TCTN3: variants seen among roughly 807,000 people sequenced by gnomAD.
TCTN3 encodes the protein tectonic-3.
Under a neutral mutation model 71.3 loss-of-function variants are expected in TCTN3, and 57 were observed. That is an observed-to-expected ratio of 0.80 (90% CI 0.65 to 1.00). The LOEUF is 1.00. TCTN3 is among the 50% of genes least tolerant of loss of function. The probability of loss-of-function intolerance (pLI) is 0.00; values close to 1 mark genes in which losing one functional copy is unlikely to be tolerated. For missense variants in TCTN3, 696 were observed against 719.9 expected (o/e 0.97, Z 0.38); for synonymous variants, 258 against 267.8 (o/e 0.96, Z 0.36).
Position 95,663,575 on chromosome 10 carries a change from T to G in TCTN3, c.*492A>C, listed in dbSNP as rs2097923534. Reference sequence around the variant, plus strand: ...CCCACTCGTGTCTGGGCAAAGGGTGTGCCCAGATGTTGGCAAAGGAACCAG... The same window carrying G: ...CCCACTCGTGTCTGGGCAAAGGGTGGGCCCAGATGTTGGCAAAGGAACCAG... On this transcript the variant is annotated 3_prime_UTR_variant, in exon 14 of 14. Transcript: ENST00000371217. 6.4e-6 allele frequency: 1 copy of G among 155,656 alleles called. No individual in the cohort carries two copies. The highest frequency in any genetic ancestry group is 1.4e-5 in the Non-Finnish European group (1 of 70,140). 9.6% of individuals were successfully genotyped at this position (155,656 alleles called of 1,614,324 possible). A position where few individuals can be genotyped will look rare whatever the true frequency, so the allele number is the denominator to read the frequency against.
In TCTN3 at chr10:95,664,049, C is replaced by A; in HGVS notation, c.*18G>T. 1 of 1,609,478 alleles carries A rather than the reference C, an allele frequency of 6.2e-7. No individual in the cohort carries two copies. The highest frequency in any genetic ancestry group is 1.1e-5 in the South Asian group (1 of 90,916). On this transcript the variant is annotated 3_prime_UTR_variant, in exon 14 of 14. Transcript: ENST00000371217. ...AGTTTCTCATAGGGAAAACTGAAAT[C>A]TGATTATTTTCTTTTCTTCACATAG...
chr10:95,675,444 A>T (rs537475851), intron 13 of TCTN3, among the ~76,000 whole-genome samples: 24 of 152,130 alleles, frequency 1.6e-4, no homozygotes, highest in Non-Finnish European at 3.2e-4. Context: ...AAGTTCTTTT[A>T]AAAAAAAGGT....
chr10:95,685,065 G>T (rs1004745397), intron 8 of TCTN3, among the ~76,000 whole-genome samples: 15 of 152,210 alleles, frequency 9.9e-5, no homozygotes, highest in African/African-American at 1.9e-4. Context: ...TTAAGAAGAT[G>T]CTTTAAGATA....
At chr10:95,684,455 A>G (rs1205923289) in intron 9 of TCTN3, 44 bp downstream of exon 9, 2 of 1,589,480 alleles carry the variant, frequency 1.3e-6, no homozygotes, top group African/African-American at 1.4e-5. Context: ...TTCTAACCCA[A>G]TATTTCTTCC....
chr10:95,683,664 A>G (rs764507781), intron 9 of TCTN3, 35 bp from the exon 10 acceptor site: 2 of 1,572,136 alleles, frequency 1.3e-6, no homozygotes, highest in South Asian at 1.2e-5. Flanking sequence ...AATTATGGAG[A>G]TAAGCATACT....
intron 3 of TCTN3, among the ~76,000 whole-genome samples, chr10:95,692,000 T>G (rs1029616504): frequency 6.6e-6 from 1 of 152,204 alleles, no homozygotes; most frequent in Non-Finnish European, 1.5e-5. Context: ...GAAAATAAGG[T>G]TGGCATAGAC....
rs567814141 is a variant in TCTN3 at position 95,672,833 on chromosome 10, C to T, written c.1590+7639G>A. Reference sequence around the variant, plus strand: ...TCAGCCTCTGAAGTAGTTGGGACTACAGGCATGCGTCGCCATGCCCAGCAA... The same window carrying T: ...TCAGCCTCTGAAGTAGTTGGGACTATAGGCATGCGTCGCCATGCCCAGCAA... On this transcript the variant is annotated intron_variant, in intron 13 of 13. Coordinates refer to ENST00000371217, the MANE Select transcript of TCTN3 (RefSeq NM_015631.6). 1.1e-4 allele frequency among the ~76,000 whole-genome samples: 17 copies of T among 151,920 alleles called. No individual in the cohort carries two copies. The South Asian group carries it at 3.5e-3, about 32-fold the overall frequency.
At chr10:95,674,355 CTTTAAG>C (rs1417743611) in intron 13 of TCTN3, among the ~76,000 whole-genome samples, 1 of 151,770 alleles carries the variant, frequency 6.6e-6, no homozygotes, top group Non-Finnish European at 1.5e-5. Context: ...TTCCTAGTGA[CTTTAAG>C]TTTAATTTTA....
In TCTN3 at chr10:95,677,474, G is replaced by GTTTTTTTTTTTTTTTTT. The variant is rs10654251; in HGVS notation, c.1590+2997_1590+2998insAAAAAAAAAAAAAAAAA. Among the ~76,000 whole-genome samples, 69 of 80,716 alleles carry GTTTTTTTTTTTTTTTTT rather than the reference G, an allele frequency of 8.5e-4. 14 individuals carry two copies. The highest frequency in any genetic ancestry group is 1.4e-3 in the Non-Finnish European group (45 of 33,236). 53.0% of individuals were successfully genotyped at this position (80,716 alleles called of 152,430 possible). ...ATACAAGAAGATAGTGAAGTCTACA[G>GTTTTTTTTTTTTTTTTT]TTTTTTTTGTTTTTTTTTTTTTTTT... On this transcript the variant is annotated intron_variant, in intron 13 of 13. Coordinates refer to ENST00000371217, the MANE Select transcript of TCTN3 (RefSeq NM_015631.6).
At chr10:95,679,340 T>C (rs148899207) in intron 13 of TCTN3, among the ~76,000 whole-genome samples, 1,833 of 152,282 alleles carry the variant, frequency 0.012, 35 homozygotes, top group African/African-American at 0.041. Context: ...ATTAATACAG[T>C]TTCTGGTAAC....
intron 3 of TCTN3, among the ~76,000 whole-genome samples, chr10:95,689,153 A>G (rs2097951432): frequency 6.6e-6 from 1 of 151,626 alleles, no homozygotes; most frequent in East Asian, 1.9e-4. Context: ...CAGACTACTC[A>G]CTCTCCACAC....
In TCTN3 at chr10:95,680,778, C is replaced by CTTT. The variant is rs906355850; in HGVS notation, c.1453-172_1453-170dup. Among the ~76,000 whole-genome samples, 129 of 134,268 alleles carry CTTT rather than the reference C, an allele frequency of 9.6e-4. 3 individuals carry two copies. The highest frequency in any genetic ancestry group is 2.4e-3 in the South Asian group (10 of 4,152). The allele number at this position is 134,268 out of a possible 152,430, so 88.1% of individuals were successfully genotyped here. A position where few individuals can be genotyped will look rare whatever the true frequency, so the allele number is the denominator to read the frequency against. On this transcript the variant is annotated intron_variant, in intron 12 of 13. Coordinates refer to ENST00000371217, the MANE Select transcript of TCTN3 (RefSeq NM_015631.6). The stretch of plus-strand genomic sequence containing the variant: ...ATAAGACTATGTTATTATTCCTGAT[C>CTTT]TTTTTTTTTTTTTTTTTTGAGACGA...
At chr10:95,664,409 G>T in intron 13 of TCTN3, 109 bp from the exon 14 acceptor site, 1 of 919,100 alleles carries the variant, frequency 1.1e-6, no homozygotes, top group Non-Finnish European at 1.7e-6. Context: ...ATTATTCTAA[G>T]CAAGATATAC....
At chr10:95,664,844 T>C (rs1375984960) in intron 13 of TCTN3, among the ~76,000 whole-genome samples, 1 of 152,220 alleles carries the variant, frequency 6.6e-6, no homozygotes, top group Non-Finnish European at 1.5e-5. Context: ...GATGTAGCTT[T>C]GGTAGATATG....
rs747795469 is a variant in TCTN3, at chr10:95,692,980, G to C, written c.439C>G (p.Pro147Ala). Residue 147 changes from proline (P) to alanine (A), a missense_variant, in exon 3 of 14, where the codon CCT becomes GCT. Transcript: ENST00000371217. ...SVIFRSNSPFPSRVFMDSNGI... is the reference protein window; with the variant it reads ...SVIFRSNSPFASRVFMDSNGI... The stretch of plus-strand genomic sequence containing the variant: ...TTAGAATCCATGAAAACTCTTGAAG[G>C]AAACGGGGAATTACTCCTGAAGATA... 1 of 1,613,992 alleles carries C rather than the reference G, an allele frequency of 6.2e-7. No homozygotes were observed. The highest frequency in any genetic ancestry group is 1.1e-5 in the South Asian group (1 of 91,086).
chr10:95,679,937 C>G (rs2097941268), intron 13 of TCTN3, among the ~76,000 whole-genome samples: 1 of 152,172 alleles, frequency 6.6e-6, no homozygotes, highest in Non-Finnish European at 1.5e-5. Context: ...ACTTCTATAG[C>G]TAAAGATTGG....
chr10:95,685,734 C>T, intron 7 of TCTN3, 98 bp from the exon 8 acceptor site: 1 of 872,644 alleles, frequency 1.1e-6, no homozygotes, highest in Non-Finnish European at 1.8e-6. Flanking sequence ...TTTTCCTTCC[C>T]CTTGACCACC....
At chr10:95,667,497 G>A (rs1308270655) in intron 13 of TCTN3, among the ~76,000 whole-genome samples, 1 of 152,154 alleles carries the variant, frequency 6.6e-6, no homozygotes, top group Non-Finnish European at 1.5e-5. Context: ...AGGTAACAGA[G>A]GAAGGGATGA....
intron 13 of TCTN3, among the ~76,000 whole-genome samples, chr10:95,674,700 T>C (rs547582868): frequency 7.2e-5 from 11 of 152,344 alleles, no homozygotes; most frequent in Admixed American, 7.2e-4. Flanking sequence ...CTGTATGTTA[T>C]ATCTACAAGT....
Sources: gnomAD v4.1 joint callset for allele counts (sites outside exome capture counted in the v4.1 genomes callset) on GRCh38, gnomAD v4.1.1 for gene constraint, MANE v1.5 for transcripts, NCBI Gene and HGNC (gene_info 2026-07-23, HGNC 2026-07-21) for gene names.